ZNF777: variants seen among roughly 807,000 people sequenced by gnomAD.
ZNF777 encodes zinc finger protein 777.
Under a neutral mutation model 72.1 loss-of-function variants are expected in ZNF777, and 7 were observed. The ratio of observed to expected loss-of-function variants is 0.10; its 90% confidence interval spans 0.06 to 0.18. The LOEUF (loss-of-function observed/expected upper bound fraction) is 0.18, where lower values mean the gene tolerates loss of function less well. Among genes scored for constraint, ZNF777 ranks in the 10% least tolerant of loss-of-function variants. The probability of loss-of-function intolerance (pLI) is 1.00; values close to 1 mark genes in which losing one functional copy is unlikely to be tolerated. For missense variants in ZNF777, 828 were observed against 1,128.6 expected, an observed-to-expected ratio of 0.73 and a Z score of 3.82; for synonymous variants, 545 against 483.5, an observed-to-expected ratio of 1.13 and a Z score of -1.67.
rs952121509 is a variant in ZNF777 at position 149,455,124 on chromosome 7, C to T, written c.846+53G>A. ...TTCATATTACACTACATTCCTAAACCACACTCCAATTCAGATCACTTCCTT... is the reference window on the plus strand; with the variant it reads ...TTCATATTACACTACATTCCTAAACTACACTCCAATTCAGATCACTTCCTT... On this transcript the variant is annotated intron_variant, in intron 2 of 5. Transcript: ENST00000247930. The surrounding 1 kb of genome is among the most constrained non-coding windows in gnomAD (Gnocchi z 4.2). 1 of 1,549,734 alleles carries T rather than the reference C, an allele frequency of 6.5e-7. No homozygotes were observed. The highest frequency in any genetic ancestry group is 1.3e-5 in the South Asian group (1 of 79,476).
intron 4 of ZNF777, among the ~76,000 whole-genome samples, chr7:149,448,663 G>C (rs142434217): frequency 2.1e-5 from 3 of 146,312 alleles, no homozygotes; most frequent in African/African-American, 7.6e-5. Flanking sequence ...TTGCTTTCTC[G>C]AGAGACTGAA....
intron 4 of ZNF777, among the ~76,000 whole-genome samples, chr7:149,439,483 G>T (rs937062112): frequency 2.6e-5 from 4 of 152,048 alleles, no homozygotes; most frequent in African/African-American, 9.7e-5. Context: ...ACCCTTTAAT[G>T]TCACCAATGG....
chr7:149,459,258 G>C (rs1799894232), intron 1 of ZNF777, among the ~76,000 whole-genome samples: 1 of 152,198 alleles, frequency 6.6e-6, no homozygotes, highest in Admixed American at 6.5e-5. Flanking sequence ...CCTCTCACTA[G>C]CACGGCCAGG....
chr7:149,432,026 G>A lies in ZNF777; in HGVS notation c.2246C>T (p.Pro749Leu). Reference sequence around the variant, plus strand: ...CTTGCCGCACTCGGGGCAGGCGTGCGGCCGCTCGCGCGAGTGCACGCGGCA... The same window carrying A: ...CTTGCCGCACTCGGGGCAGGCGTGCAGCCGCTCGCGCGAGTGCACGCGGCA... ...NHCRVHSRERPHACPECGKSF... is the reference protein window; with the variant it reads ...NHCRVHSRERLHACPECGKSF... The change falls in exon 6 of 6, where the codon CCG (proline) becomes CTG (leucine). Residue 749 changes from proline (P) to leucine (L), a missense_variant. By Grantham distance (98) the Pro-to-Leu change is moderately conservative (BLOSUM62 -3). Around this residue, in one of 12 missense-constraint regions of ZNF777, gnomAD observed 49 missense variants for 135.8 expected, o/e 0.36. Coordinates refer to ENST00000247930, the MANE Select transcript of ZNF777 (RefSeq NM_015694.3). 1 of 1,608,782 alleles carries A rather than the reference G, an allele frequency of 6.2e-7. No individual in the cohort carries two copies.
chr7:149,460,101 T>C lies in ZNF777; in HGVS notation c.-16+714A>G, dbSNP rs1799919160. 1.0e-6 allele frequency: 1 copy of C among 979,124 alleles called. No individual in the cohort carries two copies. Among genetic ancestry groups the C allele is most frequent in the Admixed American group, 6.3e-5 (1 of 15,852 alleles). The allele number at this position is 979,124 out of a possible 1,614,324, so 60.7% of individuals were successfully genotyped here. Reference sequence around the variant, plus strand: ...CCGGGGCCCCGAGGCCGCGCGTCCGTGCGCGCGCGGGCCGCCCTCACAGGA... The same window carrying C: ...CCGGGGCCCCGAGGCCGCGCGTCCGCGCGCGCGCGGGCCGCCCTCACAGGA... On this transcript the variant is annotated intron_variant, in intron 1 of 5. Coordinates refer to ENST00000247930, the MANE Select transcript of ZNF777 (RefSeq NM_015694.3). The surrounding 1 kb of genome is among the most constrained non-coding windows in gnomAD (Gnocchi z 6.1).
At chr7:149,443,337 T>TA (rs1799556155) in intron 4 of ZNF777, among the ~76,000 whole-genome samples, 1 of 152,240 alleles carries the variant, frequency 6.6e-6, no homozygotes, top group Non-Finnish European at 1.5e-5. Flanking sequence ...GTATTACTTA[T>TA]ATAATTAAGG....
chr7:149,448,503 A>ATAACTATATATAGTTATACATATAGT (rs1457563774), intron 4 of ZNF777, among the ~76,000 whole-genome samples: 1 of 133,500 alleles, frequency 7.5e-6, no homozygotes, highest in African/African-American at 3.0e-5. Context: ...ATATATATAT[A>ATAACTATATATAGTTATACATATAGT]TATATATAAC....
At chr7:149,459,773 C>T (rs1469924576) in intron 1 of ZNF777, 1 of 984,860 alleles carries the variant, frequency 1.0e-6, no homozygotes, top group Non-Finnish European at 1.2e-6. Context: ...GGGAAGGCTC[C>T]GCGGGGCCGA....
chr7:149,453,901 G>A (rs1585702902), intron 3 of ZNF777, among the ~76,000 whole-genome samples: 1 of 152,240 alleles, frequency 6.6e-6, no homozygotes, highest in Non-Finnish European at 1.5e-5. Context: ...CTCTGAGAGT[G>A]GGGTCTCAAT....
intron 1 of ZNF777, among the ~76,000 whole-genome samples, chr7:149,456,784 T>A (rs1799841295): frequency 6.6e-6 from 1 of 152,196 alleles, no homozygotes; most frequent in South Asian, 2.1e-4. Flanking sequence ...TGCAGACTCA[T>A]ATCAATGAGT....
At position 149,432,685 on chromosome 7, in the gene ZNF777, G is replaced by T; in HGVS notation, c.1587C>A (p.Asn529Lys). The change falls in exon 6 of 6, where the codon AAC (asparagine) becomes AAA (lysine). Residue 529 changes from asparagine (N) to lysine (K), a missense_variant. Physicochemically the swap from Asn to Lys is moderately conservative, Grantham distance 94. Around this residue, in one of 12 missense-constraint regions of ZNF777, gnomAD observed 219 missense variants for 223.0 expected, o/e 0.98. Transcript: ENST00000247930. ...SVHGERHLSE[N>K]RGASSQQQRN... is the part of the protein sequence containing the mutation. ...GCTGCTGCTGGCTCGAGGCCCCGCG[G>T]TTCTCGCTCAGGTGCCGCTCACCGT... 1 of 1,613,036 alleles carries T rather than the reference G, an allele frequency of 6.2e-7. No individual in the cohort carries two copies. Among genetic ancestry groups the T allele is most frequent in the Non-Finnish European group, 8.5e-7 (1 of 1,179,642 alleles).
chr7:149,445,214 C>G (rs965308759), intron 4 of ZNF777, among the ~76,000 whole-genome samples: 1 of 152,076 alleles, frequency 6.6e-6, no homozygotes, highest in African/African-American at 2.4e-5. Context: ...AAGCATTACA[C>G]TTTTGTGTCA....
intron 3 of ZNF777, 132 bp downstream of exon 3, chr7:149,453,978 GT>G (rs1799774794): frequency 7.3e-7 from 1 of 1,363,726 alleles, no homozygotes; most frequent in South Asian, 1.4e-5. Flanking sequence ...GCTTTAATTT[GT>G]TGTGATCTCT....
chr7:149,433,007 A>T (rs1233715186), intron 5 of ZNF777, 75 bp from the exon 6 acceptor site: 1 of 1,442,358 alleles, frequency 6.9e-7, no homozygotes, highest in Non-Finnish European at 9.1e-7. Flanking sequence ...GAGGTACAGC[A>T]CTGCTTCACC....
Position 149,436,826 on chromosome 7 carries a change from G to A in ZNF777, c.1088C>T (p.Ala363Val), listed in dbSNP as rs140558393. ...EGETPTDPSAAHDGIVIKIEV... is the reference protein window; with the variant it reads ...EGETPTDPSAVHDGIVIKIEV... Reference sequence around the variant, plus strand: ...GATCTTAATCACGATCCCATCGTGCGCTGAGAGAGGGTGGGCAGGGGTGAG... The same window carrying A: ...GATCTTAATCACGATCCCATCGTGCACTGAGAGAGGGTGGGCAGGGGTGAG... The change falls in exon 5 of 6, where the codon GCG becomes GTG. Residue 363 changes from alanine to valine, a missense_variant and splice_region_variant. This residue lies in a region of ZNF777 where 73 missense variants were observed against 90.6 expected (regional missense o/e 0.81). Coordinates refer to ENST00000247930, the MANE Select transcript of ZNF777 (RefSeq NM_015694.3). The surrounding 1 kb of genome is among the most constrained non-coding windows in gnomAD (Gnocchi z 5.0). 4.9e-5 allele frequency: 79 copies of A among 1,604,140 alleles called. No individual in the cohort carries two copies. The African/African-American group carries it at 6.3e-4, about 13-fold the overall frequency.
At chr7:149,447,596 C>T (rs1036770386) in intron 4 of ZNF777, among the ~76,000 whole-genome samples, 2 of 152,218 alleles carry the variant, frequency 1.3e-5, no homozygotes, top group Non-Finnish European at 2.9e-5. Context: ...AGCCACTTCT[C>T]TCTCAGGGCG....
In ZNF777 at chr7:149,432,213, C is replaced by T. The variant is rs1799321001; in HGVS notation, c.2059G>A (p.Ala687Thr). 2 of 1,604,238 alleles carry T rather than the reference C, an allele frequency of 1.2e-6. No homozygotes were observed. Among genetic ancestry groups the T allele is most frequent in the Non-Finnish European group, 8.5e-7 (1 of 1,179,190 alleles). Residue 687 changes from alanine to threonine, a missense_variant, in exon 6 of 6, where the codon GCG becomes ACG. Coordinates refer to ENST00000247930, the MANE Select transcript of ZNF777 (RefSeq NM_015694.3). Reference sequence around the variant, plus strand: ...ATGAAGGAGACCTCATGCTTGCCCGCGTGCACGCGCTGATGGATCACCAAG... The same window carrying T: ...ATGAAGGAGACCTCATGCTTGCCCGTGTGCACGCGCTGATGGATCACCAAG... ...ISLVIHQRVH[A>T]GKHEVSFICS...
chr7:149,458,552 A>G (rs1384760947), intron 1 of ZNF777, among the ~76,000 whole-genome samples: 1 of 149,150 alleles, frequency 6.7e-6, no homozygotes, highest in African/African-American at 2.5e-5. Context: ...AAAACCCTCC[A>G]GTATAGTAAA....
intron 1 of ZNF777, among the ~76,000 whole-genome samples, chr7:149,458,856 T>C (rs1484425017): frequency 2.6e-5 from 4 of 152,224 alleles, no homozygotes; most frequent in Non-Finnish European, 5.9e-5. Flanking sequence ...CTCAAATTCC[T>C]GGTAGGGGGT....
Sources: allele counts gnomAD v4.1 joint callset (sites outside exome capture counted in the v4.1 genomes callset), GRCh38; gene constraint gnomAD v4.1.1; regional missense constraint gnomAD v4.1.1; non-coding constraint Gnocchi (gnomAD v3.1); transcripts MANE v1.5; gene names NCBI Gene and HGNC (gene_info 2026-07-23, HGNC 2026-07-21).